The following SPTBN4 variants were observed in gnomAD, a reference collection of about 807,000 sequenced individuals.
The protein encoded by SPTBN4 is spectrin beta chain, non-erythrocytic 4.
A neutral mutation model predicts 277.8 loss-of-function variants in SPTBN4; 96 were observed. That is an observed-to-expected ratio of 0.35 (90% CI 0.29 to 0.41). The LOEUF is 0.41. Ranked by LOEUF, SPTBN4 falls within the 10% of genes least tolerant of loss-of-function variation. The pLI is 1.00. For synonymous variants in SPTBN4, 1,481 were observed against 1,580.3 expected, an observed-to-expected ratio of 0.94 and a Z score of 1.49; for missense variants, 3,006 against 3,595.7, an observed-to-expected ratio of 0.84 and a Z score of 4.19.
In SPTBN4 at chr19:40,519,764, C is replaced by A. The variant is rs2080503254; in HGVS notation, c.3267C>A (p.Arg1089=). ...GCGAGGCGGTGGCGGCAGCAGGGCG[C>A]CTGCAGCGCTTCCTACATGACCTCG... ...ACGEAVAAAG[R]LQRFLHDLDA... is the part of the protein sequence containing the mutation. Residue 1089 remains arginine (R), a synonymous_variant, in exon 16 of 36, where the codon CGC becomes CGA. Transcript: ENST00000598249. This position sits in a 1 kb window ranked among gnomAD's most constrained non-coding sequence, Gnocchi z 5.7. 2.1e-6 allele frequency: 3 copies of A among 1,406,434 alleles called. No individual in the cohort carries two copies. Among genetic ancestry groups the A allele is most frequent in the East Asian group, 6.0e-5 (2 of 33,562 alleles). 87.1% of individuals were successfully genotyped at this position (1,406,434 alleles called of 1,614,324 possible). A position where few individuals can be genotyped will look rare whatever the true frequency, so the allele number is the denominator to read the frequency against.
rs371167863 is a variant in SPTBN4 at position 40,544,540 on chromosome 19, C to T, written c.4360-4649C>T. 3.2e-3 allele frequency among the ~76,000 whole-genome samples: 478 copies of T among 148,532 alleles called. 4 individuals carry two copies. Among genetic ancestry groups the T allele is most frequent in the South Asian group, 0.019 (91 of 4,686 alleles). ...TCGGCTCACTGCAACCTCTGCCTCC[C>T]GGGTTCAAGTGATTCTCCTGCCTCA... On this transcript the variant is annotated intron_variant, in intron 20 of 35. Coordinates refer to ENST00000598249, the MANE Select transcript of SPTBN4 (RefSeq NM_020971.3).
chr19:40,554,619 CGCTGCTGGA>C lies in SPTBN4; in HGVS notation c.5059_5067del (p.Leu1687_Glu1689del). On this transcript the variant is annotated inframe_deletion, in exon 24 of 36. Coordinates refer to ENST00000598249, the MANE Select transcript of SPTBN4 (RefSeq NM_020971.3). The surrounding 1 kb of genome is among the most constrained non-coding windows in gnomAD (Gnocchi z 5.7). ...GCGCAGCTGTCGCGCCAGTGCCGGG[CGCTGCTGGA>C]GATGGGGCACCCGGACAGGTGGGCG... 2 of 1,577,856 alleles carry C rather than the reference CGCTGCTGGA, an allele frequency of 1.3e-6. No individual in the cohort carries two copies. The highest frequency in any genetic ancestry group is 2.3e-5 in the South Asian group (2 of 85,872).
At chr19:40,530,998 G>A (rs2080663360) in intron 18 of SPTBN4, 1 of 151,390 alleles carries the variant, frequency 6.6e-6, no homozygotes, top group African/African-American at 2.4e-5. Flanking sequence ...GTTTTGGGAG[G>A]ATCTGTATCA....
Position 40,560,817 on chromosome 19 carries a change from C to A in SPTBN4, c.5915+414C>A, listed in dbSNP as rs552371408. On this transcript the variant is annotated intron_variant, in intron 27 of 35. Transcript: ENST00000598249. This position sits in a 1 kb window ranked among gnomAD's most constrained non-coding sequence, Gnocchi z 5.2. ...TCACATAGTGGTTGGATGTGAGTGT[C>A]CAGCAGAATCCTGTCCCCTGGTGAT... is the stretch of plus-strand genomic sequence containing the variant. 2 of 966,136 alleles carry A rather than the reference C, an allele frequency of 2.1e-6. No homozygotes were observed. The highest frequency in any genetic ancestry group is 1.7e-5 in the African/African-American group (1 of 58,630). 59.8% of individuals were successfully genotyped at this position (966,136 alleles called of 1,614,324 possible). A position where few individuals can be genotyped will look rare whatever the true frequency, so the allele number is the denominator to read the frequency against.
At chr19:40,468,096 A>G (rs1263485914) in intron 1 of SPTBN4, among the ~76,000 whole-genome samples, 1 of 116,336 alleles carries the variant, frequency 8.6e-6, no homozygotes, top group Non-Finnish European at 1.9e-5. Flanking sequence ...TTTTTTTTTG[A>G]GACGGAGTTT....
intron 4 of SPTBN4, among the ~76,000 whole-genome samples, chr19:40,491,962 C>T (rs11083558): frequency 0.028 from 4,152 of 149,248 alleles, 95 homozygotes; most frequent in South Asian, 0.083. Flanking sequence ...GTGGAGGTTG[C>T]GGTGAGCTGA....
intron 30 of SPTBN4, chr19:40,567,265 C>G (rs1359892592): frequency 3.9e-6 from 1 of 258,074 alleles, no homozygotes; most frequent in Admixed American, 4.1e-5. Context: ...GCTGCTTGCA[C>G]TCCAGCCTGG....
intron 35 of SPTBN4, among the ~76,000 whole-genome samples, chr19:40,573,171 G>T (rs2081170318): frequency 6.6e-6 from 1 of 152,124 alleles, no homozygotes; most frequent in African/African-American, 2.4e-5. Flanking sequence ...AAATTAGCCG[G>T]GAGTGGTGGC....
intron 20 of SPTBN4, among the ~76,000 whole-genome samples, chr19:40,544,613 A>C (rs2080839728): frequency 6.6e-6 from 1 of 150,400 alleles, no homozygotes; most frequent in Non-Finnish European, 1.5e-5. Flanking sequence ...ACGCCTGGCT[A>C]ATTTTTTGTG....
In SPTBN4 at chr19:40,503,852, C is replaced by G. The variant is rs368700485; in HGVS notation, c.1385C>G (p.Pro462Arg). ...VSQDNFGYEL[P>R]AVEAAMKKHE... ...CAGGACAACTTTGGGTATGAGCTGC[C>G]CGCAGTGGAGGCAGCCATGAAGAAA... The change falls in exon 12 of 36, where the codon CCC becomes CGC. Residue 462 changes from proline (P) to arginine (R), a missense_variant. Transcript: ENST00000598249. 2.5e-6 allele frequency: 4 copies of G among 1,596,496 alleles called. No homozygotes were observed. The highest frequency in any genetic ancestry group is 3.4e-6 in the Non-Finnish European group (4 of 1,168,282).
chr19:40,524,888 C>T (rs1410330058), intron 17 of SPTBN4, among the ~76,000 whole-genome samples: 1 of 152,226 alleles, frequency 6.6e-6, no homozygotes, highest in Non-Finnish European at 1.5e-5. Flanking sequence ...GTGCCAGGCA[C>T]TATTGTAGGT....
In SPTBN4 at chr19:40,567,589, C is replaced by T. The variant is rs528790776; in HGVS notation, c.6337-74C>T. 843 of 1,368,072 alleles carry T rather than the reference C, an allele frequency of 6.2e-4. 1 individual carries two copies. The highest frequency in any genetic ancestry group is 9.7e-4 in the Middle Eastern group (4 of 4,118). The allele number at this position is 1,368,072 out of a possible 1,614,324, so 84.7% of individuals were successfully genotyped here. On this transcript the variant is annotated intron_variant, in intron 30 of 35. Coordinates refer to ENST00000598249, the MANE Select transcript of SPTBN4 (RefSeq NM_020971.3). The stretch of plus-strand genomic sequence containing the variant: ...AGTGATGAGGCAGAAAAACCCAGGC[C>T]GCCTCCCCGGACCTCCCCCTTACCC...
At chr19:40,495,587 G>A (rs1357335458) in intron 6 of SPTBN4, among the ~76,000 whole-genome samples, 1 of 152,048 alleles carries the variant, frequency 6.6e-6, no homozygotes, top group Non-Finnish European at 1.5e-5. Flanking sequence ...GGCGGAGGTT[G>A]CAATGAGCCG....
At chr19:40,496,290 C>T (rs2080196278) in intron 6 of SPTBN4, among the ~76,000 whole-genome samples, 1 of 152,164 alleles carries the variant, frequency 6.6e-6, no homozygotes, top group East Asian at 1.9e-4. Flanking sequence ...GCTAGGATTA[C>T]AGGCGCCCGC....
rs748310187 is a variant in SPTBN4 at position 40,502,418 on chromosome 19, C to CT, written c.1115dup (p.Leu373AlafsTer28). The CT allele has an allele frequency of 6.2e-7, 1 of 1,613,312 alleles. No individual in the cohort carries two copies. The highest frequency in any genetic ancestry group is 1.1e-5 in the South Asian group (1 of 91,062). On this transcript the variant is annotated frameshift_variant, in exon 10 of 36. Coordinates refer to ENST00000598249, the MANE Select transcript of SPTBN4 (RefSeq NM_020971.3). LOFTEE classifies it high-confidence loss of function. This position sits in a 1 kb window ranked among gnomAD's most constrained non-coding sequence, Gnocchi z 4.9. ...CCAGGAGAAGGGGAACCTAGAGGTG[C>CT]TGCTCTTCAGCATCCAGAGCAAACT...
intron 17 of SPTBN4, among the ~76,000 whole-genome samples, chr19:40,526,723 T>C (rs1470986029): frequency 6.6e-6 from 1 of 152,206 alleles, no homozygotes; most frequent in East Asian, 1.9e-4. Context: ...TAGCTGGGAC[T>C]AAAAGCATGT....
rs569117168 is a variant in SPTBN4, at chr19:40,544,595, C to G, written c.4360-4594C>G. ...CCCGAGTAGCTGGGATTACAGGTGTCTGCCATCACGCCTGGCTAATTTTTT... is the reference window on the plus strand; with the variant it reads ...CCCGAGTAGCTGGGATTACAGGTGTGTGCCATCACGCCTGGCTAATTTTTT... On this transcript the variant is annotated intron_variant, in intron 20 of 35. Coordinates refer to ENST00000598249, the MANE Select transcript of SPTBN4 (RefSeq NM_020971.3). Among the ~76,000 whole-genome samples the G allele has an allele frequency of 5.3e-5, 8 of 151,512 alleles. No individual in the cohort carries two copies. The East Asian group carries it at 1.6e-3, about 29-fold the overall frequency.
In SPTBN4 at chr19:40,554,253, GGGGCCTGGAGCAGCTGCAGAGCGCCT is replaced by G; in HGVS notation, c.4787_4812del (p.Leu1596ArgfsTer28). ...AGCCCGGAGGCAGAGGCAGTGCGCC[GGGGCCTGGAGCAGCTGCAGAGCGCCT>G]GGGCCGGACTGCGGGAGGCTGCCGA... is the stretch of plus-strand genomic sequence containing the variant. On this transcript the variant is annotated frameshift_variant, in exon 23 of 36. Transcript: ENST00000598249. LOFTEE classifies it high-confidence loss of function. The surrounding 1 kb of genome is among the most constrained non-coding windows in gnomAD (Gnocchi z 5.7). 1 of 1,528,110 alleles carries G rather than the reference GGGGCCTGGAGCAGCTGCAGAGCGCCT, an allele frequency of 6.5e-7. No individual in the cohort carries two copies. The highest frequency in any genetic ancestry group is 8.7e-7 in the Non-Finnish European group (1 of 1,144,376). The allele number at this position is 1,528,110 out of a possible 1,614,324, so 94.7% of individuals were successfully genotyped here. A position where few individuals can be genotyped will look rare whatever the true frequency, so the allele number is the denominator to read the frequency against.
At chr19:40,542,523 C>T (rs1429226616) in intron 20 of SPTBN4, among the ~76,000 whole-genome samples, 1 of 152,118 alleles carries the variant, frequency 6.6e-6, no homozygotes, top group African/African-American at 2.4e-5. Context: ...GGGGACTGGT[C>T]TCCTGCCAGA....
Sources: gnomAD v4.1 joint callset for allele counts (sites outside exome capture counted in the v4.1 genomes callset) on GRCh38, gnomAD v4.1.1 for gene constraint, Gnocchi (gnomAD v3.1) non-coding constraint, MANE v1.5 for transcripts, NCBI Gene and HGNC (gene_info 2026-07-23, HGNC 2026-07-21) for gene names.